Variants in KAZN observed in about 807,000 individuals in gnomAD.
The protein encoded by KAZN is kazrin, periplakin interacting protein.
KAZN carries 40 observed loss-of-function variants against 87.4 expected under a neutral mutation model. The observed-to-expected ratio is 0.46, with a 90% CI of 0.36 to 0.60. The LOEUF (loss-of-function observed/expected upper bound fraction) is 0.60, where lower values mean the gene tolerates loss of function less well. KAZN is among the 20% of genes least tolerant of loss of function. KAZN has a pLI of 0.00. For synonymous variants in KAZN, 466 were observed against 458.3 expected, an observed-to-expected ratio of 1.02 and a Z score of -0.22; for missense variants, 898 against 1,073.9, an observed-to-expected ratio of 0.84 and a Z score of 2.29.
rs72868450 is a variant in KAZN, at chr1:14,761,491, C to A, written c.226+162268C>A. ...CAGCCCGTAGCACAGGGCCCAGCAC[C>A]TAGCAGGTGCACAATGAGTGTTTGT... is the stretch of plus-strand genomic sequence containing the variant. On this transcript the variant is annotated intron_variant, in intron 1 of 14. Transcript: ENST00000376030. Among the ~76,000 whole-genome samples, 623 of 152,314 alleles carry A rather than the reference C, an allele frequency of 4.1e-3. 6 individuals carry two copies. The highest frequency in any genetic ancestry group is 0.013 in the African/African-American group (554 of 41,570).
chr1:14,940,317 G>A (rs535727123), intron 1 of KAZN, among the ~76,000 whole-genome samples: 8 of 152,318 alleles, frequency 5.3e-5, no homozygotes, highest in East Asian at 3.9e-4. Flanking sequence ...TTTTTGATTC[G>A]TTTTAAGCAT....
rs569210891 is a variant in KAZN at position 14,385,197 on chromosome 1, T to C, written c.249+204605T>C. 1.2e-3 allele frequency among the ~76,000 whole-genome samples: 186 copies of C among 152,212 alleles called. 1 individual carries two copies. Among genetic ancestry groups the C allele is most frequent in the African/African-American group, 4.0e-3 (166 of 41,528 alleles). On this transcript the variant is annotated intron_variant, in intron 2 of 16. Transcript: ENST00000636203. ...TCATTTTTTATTTCGTCTATTTGGT[T>C]CTTCTTTTTTTCTTTATTAGTCTTG...
chr1:14,286,969 A>G (rs1653299402), intron 2 of KAZN, among the ~76,000 whole-genome samples: 2 of 152,318 alleles, frequency 1.3e-5, no homozygotes, highest in Middle Eastern at 3.4e-3. Flanking sequence ...AAGAAGCCAT[A>G]TATGAATTGA....
intron 1 of KAZN, among the ~76,000 whole-genome samples, chr1:14,628,417 A>T (rs1572082968): frequency 6.6e-6 from 1 of 152,348 alleles, no homozygotes; most frequent in East Asian, 1.9e-4. Context: ...GCCCAATGTG[A>T]GAGAGAAATG....
chr1:14,146,536 C>CAAAAAAAAAAAAAAAAAA (rs55928646), intron 1 of KAZN, among the ~76,000 whole-genome samples: 46 of 63,422 alleles, frequency 7.3e-4, no homozygotes, highest in East Asian at 2.2e-3. Context: ...AACTCCATCT[C>CAAAAAAAAAAAAAAAAAA]AAAAAAAAAA....
chr1:14,582,168 G>A (rs912589243), intron 2 of KAZN, among the ~76,000 whole-genome samples: 2 of 152,026 alleles, frequency 1.3e-5, no homozygotes, highest in African/African-American at 4.8e-5. Context: ...AAAGTTTAGA[G>A]AGGTCAATAA....
At chr1:14,718,082 C>T (rs766347469) in intron 1 of KAZN, among the ~76,000 whole-genome samples, 5 of 152,208 alleles carry the variant, frequency 3.3e-5, no homozygotes, top group South Asian at 4.1e-4. Flanking sequence ...TGGTCACCAG[C>T]GGCAGGGCAA....
At chr1:13,972,105 T>C (rs534783318) in intron 1 of KAZN, among the ~76,000 whole-genome samples, 4 of 152,258 alleles carry the variant, frequency 2.6e-5, no homozygotes, top group Admixed American at 2.6e-4. Context: ...GAGAATTGTT[T>C]TGTGTTAAAT....
intron 1 of KAZN, among the ~76,000 whole-genome samples, chr1:14,862,401 C>A (rs1650970385): frequency 1.3e-5 from 2 of 152,152 alleles, no homozygotes; most frequent in Non-Finnish European, 2.9e-5. Flanking sequence ...CCAATACCTA[C>A]AGGAGTTTCC....
intron 1 of KAZN, among the ~76,000 whole-genome samples, chr1:13,996,962 G>C (rs905610086): frequency 6.6e-6 from 1 of 152,202 alleles, no homozygotes; most frequent in African/African-American, 2.4e-5. Flanking sequence ...GCTGGCATCA[G>C]GTTGGTGCCC....
chr1:14,568,568 G>A (rs1674675846), intron 2 of KAZN, among the ~76,000 whole-genome samples: 1 of 152,246 alleles, frequency 6.6e-6, no homozygotes, highest in South Asian at 2.1e-4. Context: ...TCACTATCAT[G>A]AGAACAGCAC....
At chr1:14,207,572 C>A (rs1646770695) in intron 2 of KAZN, among the ~76,000 whole-genome samples, 1 of 152,034 alleles carries the variant, frequency 6.6e-6, no homozygotes, top group South Asian at 2.1e-4. Flanking sequence ...ATATTTTGTA[C>A]CTTGTGAACT....
intron 1 of KAZN, among the ~76,000 whole-genome samples, chr1:14,928,834 A>G (rs1009942252): frequency 6.6e-6 from 1 of 152,162 alleles, no homozygotes; most frequent in South Asian, 2.1e-4. Flanking sequence ...GCTGAGATCC[A>G]TTTCCCTGAG....
At chr1:14,755,837 A>C (rs1387300654) in intron 1 of KAZN, among the ~76,000 whole-genome samples, 1 of 152,190 alleles carries the variant, frequency 6.6e-6, no homozygotes, top group Admixed American at 6.5e-5. Context: ...GAATTCACCC[A>C]CTTAGGAGAA....
rs561820765 is a variant in KAZN, at chr1:14,534,487, A to G, written c.250-64496A>G. ...TGGCGAAACCCCATCTCTACTAAAAATGCAAAAATTAGCCAGGCGTGGTGG... is the reference window on the plus strand; with the variant it reads ...TGGCGAAACCCCATCTCTACTAAAAGTGCAAAAATTAGCCAGGCGTGGTGG... On this transcript the variant is annotated intron_variant, in intron 2 of 16. Transcript: ENST00000636203. 1.1e-4 allele frequency among the ~76,000 whole-genome samples: 16 copies of G among 152,214 alleles called. No individual in the cohort carries two copies. In the South Asian group the frequency reaches 2.7e-3, roughly 26 times the overall value.
chr1:14,403,140 T>G (rs979713380), intron 2 of KAZN, among the ~76,000 whole-genome samples: 3 of 152,170 alleles, frequency 2.0e-5, no homozygotes, highest in African/African-American at 7.2e-5. Flanking sequence ...TATAGAAACT[T>G]AATCCATAAT....
chr1:14,433,193 T>C (rs1180276466), intron 2 of KAZN, among the ~76,000 whole-genome samples: 2 of 152,196 alleles, frequency 1.3e-5, no homozygotes, highest in African/African-American at 4.8e-5. Flanking sequence ...CTCCTGCCAG[T>C]CAAGATCCAG....
chr1:14,538,692 G>A (rs898531775), intron 2 of KAZN, among the ~76,000 whole-genome samples: 1 of 152,152 alleles, frequency 6.6e-6, no homozygotes, highest in Non-Finnish European at 1.5e-5. Context: ...CATAGCAGAG[G>A]CCCTGATGCG....
At chr1:14,364,945 G>A (rs577279172) in intron 2 of KAZN, among the ~76,000 whole-genome samples, 3 of 152,116 alleles carry the variant, frequency 2.0e-5, no homozygotes, top group African/African-American at 7.2e-5. Context: ...TTCTGACTAT[G>A]TTGGCCAGGA....
Sources: allele counts gnomAD v4.1 joint callset (sites outside exome capture counted in the v4.1 genomes callset), GRCh38; gene constraint gnomAD v4.1.1; transcripts MANE v1.5; gene names NCBI Gene and HGNC (gene_info 2026-07-23, HGNC 2026-07-21).